The following EXD3 variants were observed in gnomAD, a reference collection of about 807,000 sequenced individuals.
EXD3 encodes exonuclease 3'-5' domain containing 3, also known as exonuclease mut-7 homolog.
Under a neutral mutation model 98.0 loss-of-function variants are expected in EXD3, and 92 were observed. The ratio of observed to expected loss-of-function variants is 0.94; its 90% CI spans 0.79 to 1.12. The LOEUF (loss-of-function observed/expected upper bound fraction) is 1.12, where lower values mean the gene tolerates loss of function less well. Among genes scored for constraint, EXD3 ranks in the 50% most tolerant of loss-of-function variants. The pLI is 0.00. For synonymous variants in EXD3, 569 were observed against 526.0 expected (o/e 1.08, Z -1.12); for missense variants, 1,222 against 1,191.6 (o/e 1.03, Z -0.38).
chr9:137,351,205 T>C, intron 13 of EXD3, 58 bp from the exon 14 acceptor site: 1 of 1,537,222 alleles, frequency 6.5e-7, no homozygotes, highest in Non-Finnish European at 8.8e-7. Context: ...CACTGTCCCC[T>C]GACCCCAGGG....
chr9:137,366,567 C>T lies in EXD3; in HGVS notation c.582G>A (p.Pro194=), dbSNP rs768264105. 1.2e-5 allele frequency: 18 copies of T among 1,552,180 alleles called. No individual in the cohort carries two copies. Among genetic ancestry groups the T allele is most frequent in the East Asian group, 2.4e-5 (1 of 41,062 alleles). Residue 194 remains proline, a synonymous_variant, in exon 7 of 22, where the codon CCG becomes CCA. Transcript: ENST00000340951. The part of the protein sequence containing the change: ...ALVERYVAGF[P]DLQRRLLVLM... ...GGACCAGCAGCCTCCTCTGGAGGTC[C>T]GGGAAGCCGGCCACATAGCGCTCCA...
At chr9:137,333,464 G>A (rs1421553754) in intron 17 of EXD3, among the ~76,000 whole-genome samples, 1 of 152,118 alleles carries the variant, frequency 6.6e-6, no homozygotes, top group East Asian at 1.9e-4. Context: ...AGGCTCTGTG[G>A]TATAATTTGA....
chr9:137,353,719 C>A, intron 10 of EXD3: 1 of 985,734 alleles, frequency 1.0e-6, no homozygotes, highest in Non-Finnish European at 1.2e-6. Flanking sequence ...CCCGCAAGGT[C>A]CTGGAGTCCA....
rs752999732 is a variant in EXD3 at position 137,349,359 on chromosome 9, C to T, written c.1657+10G>A. On this transcript the variant is annotated intron_variant, in intron 15 of 21. Coordinates refer to ENST00000340951, the MANE Select transcript of EXD3 (RefSeq NM_017820.5). This position sits in a 1 kb window ranked among gnomAD's most constrained non-coding sequence, Gnocchi z 7.4. ...GAGGAGGGGTCACTCCCACCCGCCG[C>T]ACCGCACACCTGCGTAGATGACCTG... The T allele has an allele frequency of 3.8e-6, 6 of 1,575,838 alleles. No individual in the cohort carries two copies. In the South Asian group the frequency reaches 4.6e-5, roughly 12 times the overall value.
intron 1 of EXD3, among the ~76,000 whole-genome samples, chr9:137,417,831 G>A (rs574095162): frequency 6.6e-6 from 1 of 152,114 alleles, no homozygotes; most frequent in Non-Finnish European, 1.5e-5. Flanking sequence ...GGGCGCCTGC[G>A]GGGGAGGCCG....
intron 1 of EXD3, among the ~76,000 whole-genome samples, chr9:137,408,345 G>A (rs1837832038): frequency 6.6e-6 from 1 of 151,864 alleles, no homozygotes. Flanking sequence ...TCAGGAGATC[G>A]AGACCATCCT....
intron 6 of EXD3, 113 bp from the exon 7 acceptor site, chr9:137,366,745 CGTCCAGGCCCAGCA>C: frequency 7.4e-7 from 1 of 1,351,220 alleles, no homozygotes; most frequent in Non-Finnish European, 9.9e-7. Flanking sequence ...GCCCAGAGGC[CGTCCAGGCCCAGCA>C]GTGCTCGCCC....
intron 17 of EXD3, among the ~76,000 whole-genome samples, chr9:137,329,364 C>T (rs573580741): frequency 1.1e-4 from 2 of 18,882 alleles, no homozygotes; most frequent in Admixed American, 5.9e-4. Context: ...CACGGGACTA[C>T]ACGGGAGCTA....
At position 137,423,154 on chromosome 9, in the gene EXD3, C is replaced by G. The variant is rs1049891878; in HGVS notation, c.-88G>C. The stretch of plus-strand genomic sequence containing the variant: ...CGCCCCACACCGTCCACGCCCGGCG[C>G]GGAACCTTGGCCCGACCGCAGCCGC... On this transcript the variant is annotated 5_prime_UTR_variant, in exon 1 of 22. Coordinates refer to ENST00000340951, the MANE Select transcript of EXD3 (RefSeq NM_017820.5). The G allele has an allele frequency of 6.6e-6, 1 of 151,580 alleles. No individual in the cohort carries two copies. The highest frequency in any genetic ancestry group is 2.4e-5 in the African/African-American group (1 of 41,380). The allele number at this position is 151,580 out of a possible 1,614,324, so 9.4% of individuals were successfully genotyped here.
intron 3 of EXD3, among the ~76,000 whole-genome samples, chr9:137,381,715 C>T (rs1037266243): frequency 2.6e-5 from 4 of 152,220 alleles, no homozygotes; most frequent in Admixed American, 2.6e-4. Context: ...AAATCCTGGT[C>T]TTCATCTCCC....
rs11507675 is a variant in EXD3, at chr9:137,354,183, C to T, written c.870+156G>A. 92,011 of 1,451,838 alleles carry T rather than the reference C, an allele frequency of 0.063. 3,500 individuals are homozygous for T. The highest frequency in any genetic ancestry group is 0.16 in the African/African-American group (11,539 of 71,018). 89.9% of individuals were successfully genotyped at this position (1,451,838 alleles called of 1,614,324 possible). On this transcript the variant is annotated intron_variant, in intron 10 of 21. Transcript: ENST00000340951. ...CTCCCGGGCCTGAGGACCCTACACC[C>T]GCCTGCCAGCCACACGCCCCAACAT...
At chr9:137,316,059 C>T (rs1831635016) in intron 19 of EXD3, among the ~76,000 whole-genome samples, 1 of 141,654 alleles carries the variant, frequency 7.1e-6, no homozygotes, top group South Asian at 2.4e-4. Context: ...CCTCCCCCCT[C>T]GCCCCCCAGC....
At chr9:137,419,236 C>T (rs1254600034) in intron 1 of EXD3, among the ~76,000 whole-genome samples, 4 of 152,202 alleles carry the variant, frequency 2.6e-5, no homozygotes, top group Non-Finnish European at 5.9e-5. Context: ...TATATGTTAT[C>T]AGTCGTGATT....
intron 17 of EXD3, among the ~76,000 whole-genome samples, chr9:137,346,836 C>T (rs768323538): frequency 6.6e-6 from 1 of 152,174 alleles, no homozygotes; most frequent in Non-Finnish European, 1.5e-5. Flanking sequence ...TGTTTTGAGA[C>T]GGAGTCTTGC....
chr9:137,316,363 G>T (rs1383259800), intron 19 of EXD3, among the ~76,000 whole-genome samples: 1 of 152,014 alleles, frequency 6.6e-6, no homozygotes, highest in Non-Finnish European at 1.5e-5. Context: ...TCGCAGGGGT[G>T]TGTGCAGGGG....
chr9:137,354,621 G>T (rs572772071), intron 9 of EXD3, 79 bp downstream of exon 9: 6 of 1,589,206 alleles, frequency 3.8e-6, no homozygotes, highest in East Asian at 2.3e-5. Context: ...ACCCTGCAGT[G>T]CGCAGTGAGT....
rs1021339695 is a variant in EXD3 at position 137,347,783 on chromosome 9, C to G, written c.1998+288G>C. 6.6e-6 allele frequency among the ~76,000 whole-genome samples: 1 copy of G among 152,070 alleles called. No homozygotes were observed. The highest frequency in any genetic ancestry group is 2.4e-5 in the African/African-American group (1 of 41,406). On this transcript the variant is annotated intron_variant, in intron 17 of 21. Coordinates refer to ENST00000340951, the MANE Select transcript of EXD3 (RefSeq NM_017820.5). The surrounding 1 kb of genome is among the most constrained non-coding windows in gnomAD (Gnocchi z 4.2). ...AAGGGCTCATGTGATTACACTGGGC[C>G]CACCCAAATAAGATAGACTCTCTAT...
intron 1 of EXD3, among the ~76,000 whole-genome samples, chr9:137,400,275 A>G (rs1837416937): frequency 6.6e-6 from 1 of 152,108 alleles, no homozygotes; most frequent in Admixed American, 6.5e-5. Flanking sequence ...TCCAAATCTC[A>G]CGTCCTCACA....
At chr9:137,364,420 G>C (rs986540639) in intron 7 of EXD3, among the ~76,000 whole-genome samples, 1 of 151,872 alleles carries the variant, frequency 6.6e-6, no homozygotes, top group Non-Finnish European at 1.5e-5. Context: ...TCAGGGGTTC[G>C]GGAGCAGCCT....
Sources: allele counts gnomAD v4.1 joint callset (sites outside exome capture counted in the v4.1 genomes callset), GRCh38; gene constraint gnomAD v4.1.1; non-coding constraint Gnocchi (gnomAD v3.1); transcripts MANE v1.5; gene names NCBI Gene and HGNC (gene_info 2026-07-23, HGNC 2026-07-21).